SLC45A4: variants seen among roughly 807,000 people sequenced by gnomAD.
SLC45A4 encodes the protein solute carrier family 45 member 4.
SLC45A4 carries 32 observed loss-of-function variants against 63.7 expected under a neutral mutation model. The observed-to-expected ratio is 0.50, with a 90% CI of 0.38 to 0.67. The LOEUF (loss-of-function observed/expected upper bound fraction) is 0.67. SLC45A4 is among the 30% of genes least tolerant of loss of function. The pLI, the probability that SLC45A4 is intolerant of heterozygous loss-of-function variation, is 0.00. For synonymous variants in SLC45A4, 535 were observed against 510.0 expected, an observed-to-expected ratio of 1.05 and a Z score of -0.66; for missense variants, 1,027 against 1,157.7, an observed-to-expected ratio of 0.89 and a Z score of 1.64.
In SLC45A4 at chr8:141,227,217, G is replaced by A. The variant is rs774496246; in HGVS notation, c.242-5452C>T. Among the ~76,000 whole-genome samples, 1 of 152,214 alleles carries A rather than the reference G, an allele frequency of 6.6e-6. No homozygotes were observed. On this transcript the variant is annotated intron_variant, in intron 2 of 8. Transcript: ENST00000517878. The surrounding 1 kb of genome is among the most constrained non-coding windows in gnomAD (Gnocchi z 4.4). ...GGAAATACTGTGTCACCGCTCGGCC[G>A]CAGGCTGTGTGAGGTCACGGGCGAC...
intron 7 of SLC45A4, 79 bp from the exon 8 acceptor site, chr8:141,212,635 C>T: frequency 6.9e-7 from 1 of 1,459,788 alleles, no homozygotes; most frequent in East Asian, 2.5e-5. Context: ...TGAGTATTAA[C>T]CCACAAGCCT....
At chr8:141,303,435 C>A (rs1830810555) in intron 1 of SLC45A4, among the ~76,000 whole-genome samples, 1 of 144,004 alleles carries the variant, frequency 6.9e-6, no homozygotes, top group Admixed American at 6.8e-5. Context: ...CCTCTGTGCC[C>A]AGCCTGAGTG....
At chr8:141,289,157 G>C (rs1050388631) in intron 1 of SLC45A4, among the ~76,000 whole-genome samples, 3 of 152,194 alleles carry the variant, frequency 2.0e-5, no homozygotes, top group African/African-American at 7.2e-5. Context: ...GGGAACAGTG[G>C]GCACAGAGGC....
At chr8:141,284,563 C>T (rs1167915596) in intron 1 of SLC45A4, among the ~76,000 whole-genome samples, 3 of 152,202 alleles carry the variant, frequency 2.0e-5, no homozygotes, top group Admixed American at 1.3e-4. Context: ...AAAAATAAGC[C>T]GTTCTTCCTA....
rs1825782775 is a variant in SLC45A4 at position 141,211,206 on chromosome 8, A to C, written c.*366T>G. The stretch of plus-strand genomic sequence containing the variant: ...CTCAGGAATCCCCAGCAAATGGTTT[A>C]GAGACGAATCAAAGTGCAGTGAAAG... On this transcript the variant is annotated 3_prime_UTR_variant, in exon 9 of 9. Coordinates refer to ENST00000517878, the MANE Select transcript of SLC45A4 (RefSeq NM_001286646.2). The C allele has an allele frequency of 4.8e-6, 2 of 420,352 alleles. No individual in the cohort carries two copies. The highest frequency in any genetic ancestry group is 8.4e-6 in the Non-Finnish European group (2 of 237,982). 26.0% of individuals were successfully genotyped at this position (420,352 alleles called of 1,614,324 possible). A position where few individuals can be genotyped will look rare whatever the true frequency, so the allele number is the denominator to read the frequency against.
chr8:141,249,380 A>C (rs1176325348), intron 2 of SLC45A4, among the ~76,000 whole-genome samples: 1 of 152,254 alleles, frequency 6.6e-6, no homozygotes, highest in Non-Finnish European at 1.5e-5. Context: ...GTGGAGTACT[A>C]GTCAGCACAG....
At chr8:141,241,939 A>C (rs572023769) in intron 2 of SLC45A4, among the ~76,000 whole-genome samples, 5 of 152,270 alleles carry the variant, frequency 3.3e-5, no homozygotes, top group African/African-American at 1.2e-4. Flanking sequence ...GGCATGGTGC[A>C]TACAGGGACA....
At chr8:141,304,053 T>C (rs1029276520) in intron 1 of SLC45A4, among the ~76,000 whole-genome samples, 2 of 143,158 alleles carry the variant, frequency 1.4e-5, no homozygotes, top group Non-Finnish European at 3.2e-5. Flanking sequence ...ACTTGTGTTC[T>C]GGAGCCCTCA....
At chr8:141,217,243 C>T in intron 5 of SLC45A4, 54 bp from the exon 6 acceptor site, 1 of 1,567,004 alleles carries the variant, frequency 6.4e-7, no homozygotes, top group Admixed American at 1.7e-5. Flanking sequence ...GCCCTCCAGG[C>T]CAGGAGCGTA....
chr8:141,236,904 G>A (rs1827655618), intron 2 of SLC45A4, among the ~76,000 whole-genome samples: 1 of 152,222 alleles, frequency 6.6e-6, no homozygotes, highest in East Asian at 1.9e-4. Flanking sequence ...ATGGCCCACA[G>A]ATCAACACAA....
intron 1 of SLC45A4, among the ~76,000 whole-genome samples, chr8:141,297,284 G>A (rs1356512063): frequency 1.3e-5 from 2 of 151,664 alleles, no homozygotes; most frequent in East Asian, 3.9e-4. Context: ...TGGGCGCCGG[G>A]CACTCTGCCT....
Position 141,219,047 on chromosome 8 carries a change from G to A in SLC45A4, c.611-18C>T, listed in dbSNP as rs753767099. 1 of 1,594,402 alleles carries A rather than the reference G, an allele frequency of 6.3e-7. No individual in the cohort carries two copies. Among genetic ancestry groups the A allele is most frequent in the East Asian group, 2.2e-5 (1 of 44,556 alleles). ...GCCGAGGCCTGCGTGGGAGGAAGCA[G>A]CAGCCGGTGAGCCGGTGGCACCAGG... On this transcript the variant is annotated intron_variant, in intron 4 of 8. Coordinates refer to ENST00000517878, the MANE Select transcript of SLC45A4 (RefSeq NM_001286646.2).
intron 1 of SLC45A4, among the ~76,000 whole-genome samples, chr8:141,295,586 T>G (rs1830515823): frequency 6.6e-6 from 1 of 152,140 alleles, no homozygotes; most frequent in African/African-American, 2.4e-5. Flanking sequence ...GAACACCCAC[T>G]TCCACAACAC....
At position 141,228,391 on chromosome 8, in the gene SLC45A4, A is replaced by C. The variant is rs893770612; in HGVS notation, c.242-6626T>G. The stretch of plus-strand genomic sequence containing the variant: ...TGGCTAGAGGCCCCTGGCCAGACCC[A>C]AGCAGGACGCTGGCGCTCCAGAAAG... On this transcript the variant is annotated intron_variant, in intron 2 of 8. Transcript: ENST00000517878. 9.4e-6 allele frequency: 14 copies of C among 1,492,974 alleles called. 1 individual carries two copies. The East Asian group carries it at 3.3e-4, about 35-fold the overall frequency. The allele number at this position is 1,492,974 out of a possible 1,614,324, so 92.5% of individuals were successfully genotyped here.
intron 1 of SLC45A4, among the ~76,000 whole-genome samples, chr8:141,296,971 T>C (rs1397778737): frequency 1.3e-5 from 2 of 152,144 alleles, no homozygotes; most frequent in Non-Finnish European, 2.9e-5. Flanking sequence ...GCCTTGTTCT[T>C]GGCCTTCCAG....
intron 2 of SLC45A4, among the ~76,000 whole-genome samples, chr8:141,232,825 A>G (rs1827433422): frequency 6.6e-6 from 1 of 152,202 alleles, no homozygotes; most frequent in African/African-American, 2.4e-5. Context: ...CTGCAACGGG[A>G]ACACACGCAC....
intron 1 of SLC45A4, among the ~76,000 whole-genome samples, chr8:141,286,367 G>A: frequency 6.6e-6 from 1 of 152,158 alleles, no homozygotes; most frequent in East Asian, 1.9e-4. Flanking sequence ...CTCAGTCCGA[G>A]AGGTGGCCTC....
intron 2 of SLC45A4, among the ~76,000 whole-genome samples, 185 bp downstream of exon 2, chr8:141,253,803 CA>C (rs1315144796): frequency 2.0e-5 from 3 of 152,226 alleles, no homozygotes; most frequent in African/African-American, 7.2e-5. Context: ...CACTCCTCCC[CA>C]AACCTGGCTG....
chr8:141,300,116 G>T (rs768582701), intron 1 of SLC45A4, among the ~76,000 whole-genome samples: 37 of 152,298 alleles, frequency 2.4e-4, no homozygotes, highest in African/African-American at 8.4e-4. Flanking sequence ...TGGAAGTGAC[G>T]CATTCTTAGT....
Sources: allele counts gnomAD v4.1 joint callset (sites outside exome capture counted in the v4.1 genomes callset), GRCh38; gene constraint gnomAD v4.1.1; non-coding constraint Gnocchi (gnomAD v3.1); transcripts MANE v1.5; gene names NCBI Gene and HGNC (gene_info 2026-07-23, HGNC 2026-07-21).